Variants in ZNF726 observed in about 807,000 individuals in gnomAD.
The protein encoded by ZNF726 is zinc finger protein 726, also known as zinc finger protein 92 pseudogene 3.
In ZNF726, 15 loss-of-function variants were observed where a neutral mutation model predicts 11.6. The ratio of observed to expected loss-of-function variants is 1.29; its 90% CI spans 0.86 to 1.99. The LOEUF (loss-of-function observed/expected upper bound fraction) is 1.99. ZNF726 is among the 30% of genes most tolerant of loss of function. The pLI is 0.00. For synonymous variants in ZNF726, 295 were observed against 243.6 expected (o/e 1.21, Z -1.96); for missense variants, 890 against 725.6 (o/e 1.23, Z -2.60).
downstream of ZNF726, among the ~76,000 whole-genome samples, chr19:23,937,031 C>T (rs563125634): frequency 4.0e-4 from 60 of 151,298 alleles, no homozygotes; most frequent in South Asian, 9.2e-3. Context: ...CCAGTAGGGG[C>T]GGCTGGGCAG....
downstream of ZNF726, among the ~76,000 whole-genome samples, chr19:23,936,873 G>A (rs964383693): frequency 4.6e-5 from 7 of 151,792 alleles, no homozygotes; most frequent in African/African-American, 1.5e-4. Context: ...ACACAGACAC[G>A]GCAACCATCC....
At chr19:23,925,713 C>CTTTTTTTTT (rs1207103965) in intron 3 of ZNF726, among the ~76,000 whole-genome samples, 1 of 112,602 alleles carries the variant, frequency 8.9e-6, no homozygotes, top group Admixed American at 9.1e-5. Flanking sequence ...TTTTTCTTTT[C>CTTTTTTTTT]TTTTTTTTTT....
At chr19:23,935,341 C>G (rs1275941478), downstream of ZNF726, 2 of 528,304 alleles carry the variant, frequency 3.8e-6, no homozygotes, top group African/African-American at 3.8e-5. Flanking sequence ...TCAGCCCTAA[C>G]TAGACATAAG....
At chr19:23,919,148 T>C (rs577237799) in intron 1 of ZNF726, 1 of 498,524 alleles carries the variant, frequency 2.0e-6, no homozygotes, top group South Asian at 2.6e-5. Context: ...TTCAGAAAAG[T>C]ATCATATATA....
intron 1 of ZNF726, chr19:23,919,159 C>CTTTGCACATT: frequency 1.7e-6 from 1 of 603,804 alleles, no homozygotes; most frequent in East Asian, 4.4e-5. Flanking sequence ...ATCATATATA[C>CTTTGCACATT]ACTGATGTTC....
chr19:23,917,186 A>G (rs1967721961), intron 1 of ZNF726, among the ~76,000 whole-genome samples: 1 of 152,194 alleles, frequency 6.6e-6, no homozygotes, highest in Admixed American at 6.5e-5. Flanking sequence ...TCTGGCCTCA[A>G]GTGACTCACC....
chr19:23,937,392 G>T (rs1169458162), downstream of ZNF726, among the ~76,000 whole-genome samples: 1 of 151,858 alleles, frequency 6.6e-6, no homozygotes, highest in Non-Finnish European at 1.5e-5. Context: ...CTCAGACGGG[G>T]TGGCTGCCGG....
chr19:23,915,900 A>G (rs529631840), intron 1 of ZNF726, among the ~76,000 whole-genome samples: 2 of 152,278 alleles, frequency 1.3e-5, no homozygotes, highest in Admixed American at 1.3e-4. Context: ...AATTTTTACA[A>G]TCAAGGTGGA....
chr19:23,921,803 A>G (rs1967859382), intron 3 of ZNF726, among the ~76,000 whole-genome samples: 1 of 152,224 alleles, frequency 6.6e-6, no homozygotes, highest in African/African-American at 2.4e-5. Flanking sequence ...AGATGACATA[A>G]TCTACAAACA....
In ZNF726 at chr19:23,933,683, A is replaced by G. The variant is rs1479947531; in HGVS notation, c.1567A>G (p.Thr523Ala). 3.7e-6 allele frequency: 6 copies of G among 1,611,922 alleles called. No homozygotes were observed. The highest frequency in any genetic ancestry group is 1.7e-5 in the Admixed American group (1 of 59,950). The change falls in exon 4 of 4, where the codon ACC (threonine) becomes GCC (alanine). Residue 523 changes from threonine to alanine, a missense_variant. Physicochemically the swap from Thr to Ala is moderately conservative, Grantham distance 58 (BLOSUM62 0). Coordinates refer to ENST00000594466, the MANE Select transcript of ZNF726 (RefSeq NM_001244038.2). The stretch of plus-strand genomic sequence containing the variant: ...TGGCAAAGCATTTATATTGTCCTCG[A>G]CCCTATCTAAACATAAGAGGATTCA... Reference protein sequence around the residue: ...ECGKAFILSSTLSKHKRIHTG... With the variant: ...ECGKAFILSSALSKHKRIHTG...
downstream of ZNF726, among the ~76,000 whole-genome samples, chr19:23,938,173 G>A (rs1038160101): frequency 6.6e-6 from 1 of 151,960 alleles, no homozygotes; most frequent in Admixed American, 6.6e-5. Flanking sequence ...GTTCCTATAG[G>A]TTAAATTTTA....
At chr19:23,920,173 T>G in intron 3 of ZNF726, 91 bp downstream of exon 3, 1 of 911,210 alleles carries the variant, frequency 1.1e-6, no homozygotes. Flanking sequence ...AAAGCTGCAT[T>G]CCAAAGGAAA....
At chr19:23,937,038 G>A (rs1244949843), downstream of ZNF726, among the ~76,000 whole-genome samples, 2 of 150,956 alleles carry the variant, frequency 1.3e-5, no homozygotes, top group African/African-American at 4.9e-5. Context: ...GGGCGGCTGG[G>A]CAGAGGCGCC....
In ZNF726 at chr19:23,934,317, G is replaced by A; in HGVS notation, c.*350G>A. 1 of 597,696 alleles carries A rather than the reference G, an allele frequency of 1.7e-6. No individual in the cohort carries two copies. The highest frequency in any genetic ancestry group is 3.3e-6 in the Non-Finnish European group (1 of 305,042). The allele number at this position is 597,696 out of a possible 1,614,324, so 37.0% of individuals were successfully genotyped here. On this transcript the variant is annotated 3_prime_UTR_variant, in exon 4 of 4. Coordinates refer to ENST00000594466, the MANE Select transcript of ZNF726 (RefSeq NM_001244038.2). ...GAGAAACCTTACAAATGTGAGGAAT[G>A]TGGCAAAGCCTTTAAATGTTCCTCA...
chr19:23,929,548 A>G (rs898721316), intron 3 of ZNF726, among the ~76,000 whole-genome samples: 2 of 152,172 alleles, frequency 1.3e-5, no homozygotes, highest in Non-Finnish European at 2.9e-5. Flanking sequence ...ACCTGCCCCC[A>G]TGATTCAATT....
At chr19:23,930,617 G>A (rs1248854489) in intron 3 of ZNF726, among the ~76,000 whole-genome samples, 3 of 151,720 alleles carry the variant, frequency 2.0e-5, no homozygotes, top group East Asian at 1.9e-4. Context: ...TTTTAATAAC[G>A]TGTATATTTG....
intron 1 of ZNF726, among the ~76,000 whole-genome samples, chr19:23,916,335 T>TA (rs1318863599): frequency 4.8e-5 from 7 of 145,904 alleles, no homozygotes; most frequent in African/African-American, 1.8e-4. Flanking sequence ...TTTTTTTTTT[T>TA]AAAAGTATTT....
chr19:23,931,501 T>C lies in ZNF726; in HGVS notation c.227-842T>C, dbSNP rs534710190. Among the ~76,000 whole-genome samples the C allele has an allele frequency of 1.2e-4, 18 of 152,290 alleles. No homozygotes were observed. In the South Asian group the frequency reaches 3.7e-3, roughly 32 times the overall value. On this transcript the variant is annotated intron_variant, in intron 3 of 3. Coordinates refer to ENST00000594466, the MANE Select transcript of ZNF726 (RefSeq NM_001244038.2). ...AAAATTAATGTATAAATCTTATTTT[T>C]TTATGGTTTCTTTCAGAAAATTTTA...
chr19:23,938,084 A>C (rs1251886508), downstream of ZNF726, among the ~76,000 whole-genome samples: 1 of 152,172 alleles, frequency 6.6e-6, no homozygotes, highest in Non-Finnish European at 1.5e-5. Flanking sequence ...ACAATACACT[A>C]TTTGGTAAGA....
Sources: gnomAD v4.1 joint callset for allele counts (sites outside exome capture counted in the v4.1 genomes callset) on GRCh38, gnomAD v4.1.1 for gene constraint, MANE v1.5 for transcripts, NCBI Gene and HGNC (gene_info 2026-07-23, HGNC 2026-07-21) for gene names.